Variants in SPATA1 observed in about 807,000 individuals in gnomAD.
SPATA1 encodes spermatogenesis-associated protein 1.
A neutral mutation model predicts 59.6 loss-of-function variants in SPATA1; 57 were observed. The observed-to-expected ratio is 0.96, with a 90% CI of 0.77 to 1.19. The LOEUF (loss-of-function observed/expected upper bound fraction) is 1.19. SPATA1 is among the 50% of genes most tolerant of loss of function. SPATA1 has a pLI of 0.00. For synonymous variants in SPATA1, 147 were observed against 163.9 expected (o/e 0.90, Z 0.79); for missense variants, 448 against 480.7 (o/e 0.93, Z 0.64).
chr1:84,552,995 TATG>T (rs762416676), intron 12 of SPATA1: 1 of 1,258,688 alleles, frequency 7.9e-7, no homozygotes, highest in Non-Finnish European at 1.1e-6. Flanking sequence ...TTTAGAAGGG[TATG>T]ATGAAGTTCA....
intron 1 of SPATA1, among the ~76,000 whole-genome samples, chr1:84,511,679 C>CTTT (rs1310907189): frequency 1.8e-4 from 12 of 67,600 alleles, no homozygotes; most frequent in Non-Finnish European, 2.3e-4. Context: ...TTCTTTCTTT[C>CTTT]TTTTTTTTTT....
chr1:84,529,691 C>A (rs1389640702), intron 6 of SPATA1, among the ~76,000 whole-genome samples: 1 of 143,764 alleles, frequency 7.0e-6, no homozygotes, highest in African/African-American at 2.6e-5. Flanking sequence ...CAGCAATTCT[C>A]CTCAGCCTTC....
chr1:84,538,287 C>T (rs1272585331), intron 8 of SPATA1, among the ~76,000 whole-genome samples: 2 of 152,146 alleles, frequency 1.3e-5, no homozygotes, highest in Non-Finnish European at 2.9e-5. Flanking sequence ...TTTTCTTCAT[C>T]CCAATTAGCA....
At chr1:84,551,146 A>G (rs996948346) in intron 12 of SPATA1, 1 of 985,140 alleles carries the variant, frequency 1.0e-6, no homozygotes, top group Non-Finnish European at 1.2e-6. Context: ...TATGTATTAA[A>G]AAGCTTTTTT....
At chr1:84,533,733 T>C (rs1683563832) in exon 8 of SPATA1, 3 of 1,566,374 alleles carry the variant, frequency 1.9e-6, no homozygotes, top group Non-Finnish European at 2.6e-6. Context: ...AAAATGAAGA[T>C]GATACAGCTA....
chr1:84,531,557 T>C (rs1377659869), intron 6 of SPATA1, among the ~76,000 whole-genome samples: 13 of 148,190 alleles, frequency 8.8e-5, no homozygotes, highest in Non-Finnish European at 1.9e-4. Flanking sequence ...GGTTGCACAA[T>C]AGTTTGGCAA....
chr1:84,544,788 T>C (rs895994272), intron 9 of SPATA1, among the ~76,000 whole-genome samples: 3 of 151,774 alleles, frequency 2.0e-5, no homozygotes, highest in African/African-American at 7.3e-5. Context: ...CTCAAACTCC[T>C]GGCCTCAAGT....
In SPATA1 at chr1:84,519,287, G is replaced by GA. The variant is rs1488602911; in HGVS notation, c.37-1298_37-1297insA. Among the ~76,000 whole-genome samples, 3 of 152,044 alleles carry GA rather than the reference G, an allele frequency of 2.0e-5. No individual in the cohort carries two copies. In the East Asian group the frequency reaches 5.8e-4, roughly 29 times the overall value. Reference sequence around the variant, plus strand: ...TTAATGAAAATGTTATTGATGAGTAGCTTCCATTAAAGTCAGGAAGGTAAG... The same window carrying GA: ...TTAATGAAAATGTTATTGATGAGTAGACTTCCATTAAAGTCAGGAAGGTAAG... On this transcript the variant is annotated intron_variant, in intron 2 of 12. Transcript: ENST00000490879.
chr1:84,544,334 G>T, intron 9 of SPATA1, 30 bp downstream of exon 9: 1 of 1,457,336 alleles, frequency 6.9e-7, no homozygotes, highest in South Asian at 1.2e-5. Flanking sequence ...AAGTACAGAT[G>T]ATTCTGTGAG....
At chr1:84,541,854 A>C (rs1366674340) in intron 8 of SPATA1, among the ~76,000 whole-genome samples, 1 of 152,034 alleles carries the variant, frequency 6.6e-6, no homozygotes, top group East Asian at 1.9e-4. Context: ...AGGAACAGGG[A>C]GTGTTGTTTT....
chr1:84,547,554 G>C (rs1383823026), intron 10 of SPATA1, among the ~76,000 whole-genome samples: 1 of 152,128 alleles, frequency 6.6e-6, no homozygotes, highest in East Asian at 1.9e-4. Flanking sequence ...AAAGAGCATA[G>C]TAAAGAGTGA....
intron 4 of SPATA1, 148 bp from the exon 5 acceptor site, chr1:84,525,548 T>A (rs548731633): frequency 1.6e-6 from 1 of 624,750 alleles, no homozygotes; most frequent in Non-Finnish European, 2.8e-6. Context: ...TAACATTATA[T>A]TCTACATTTC....
intron 6 of SPATA1, among the ~76,000 whole-genome samples, chr1:84,531,964 G>T (rs1024954059): frequency 5.9e-5 from 9 of 152,134 alleles, no homozygotes; most frequent in Non-Finnish European, 1.3e-4. Context: ...AATTAATACT[G>T]CCAGGTTCGT....
At chr1:84,559,824 C>T (rs976066730) in intron 4 of SPATA1, among the ~76,000 whole-genome samples, 4 of 152,084 alleles carry the variant, frequency 2.6e-5, no homozygotes, top group African/African-American at 7.2e-5. Flanking sequence ...GTGGCCCATG[C>T]GTGTAATCCC....
At chr1:84,564,045 C>G (rs1294549396) in intron 4 of SPATA1, 3 of 177,228 alleles carry the variant, frequency 1.7e-5, no homozygotes, top group Non-Finnish European at 1.1e-5. Context: ...AGAAAACATT[C>G]AAAACAATTA....
intron 8 of SPATA1, among the ~76,000 whole-genome samples, chr1:84,540,843 G>GT (rs922643392): frequency 3.3e-5 from 5 of 152,180 alleles, no homozygotes; most frequent in African/African-American, 9.7e-5. Flanking sequence ...TGTGTTTTAT[G>GT]TTTTTAAAGA....
chr1:84,565,750 A>T, intron 4 of SPATA1, 111 bp from the exon 14 acceptor site: 1 of 694,038 alleles, frequency 1.4e-6, no homozygotes, highest in Non-Finnish European at 2.0e-6. Context: ...AAACGTATAC[A>T]TATAACTTAG....
rs140110773 is a variant in SPATA1 at position 84,511,524 on chromosome 1, T to A, written c.-137-4699T>A. ...TAGAAGTCTAACTACTATAAATGTT[T>A]GTGGATTCTGGAGTGCCCTCTTGTC... On this transcript the variant is annotated intron_variant, in intron 1 of 12. Coordinates refer to ENST00000490879, the Ensembl canonical transcript of SPATA1. Among the ~76,000 whole-genome samples the A allele has an allele frequency of 4.7e-3, 708 of 152,052 alleles. 9 individuals are homozygous for A. The highest frequency in any genetic ancestry group is 0.024 in the Middle Eastern group (7 of 292).
intron 11 of SPATA1, 131 bp downstream of exon 11, chr1:84,549,095 C>T: frequency 1.1e-6 from 1 of 896,250 alleles, no homozygotes; most frequent in South Asian, 3.3e-5. Flanking sequence ...TAAAAAAACT[C>T]ATGACCTTAT....
Sources: gnomAD v4.1 joint callset for allele counts (sites outside exome capture counted in the v4.1 genomes callset) on GRCh38, gnomAD v4.1.1 for gene constraint, MANE v1.5 for transcripts, NCBI Gene and HGNC (gene_info 2026-07-23, HGNC 2026-07-21) for gene names.